Variants in RNF157 observed in about 807,000 individuals in gnomAD.
The protein encoded by RNF157 is ring finger protein 157, also known as E3 ubiquitin ligase RNF157.
Under a neutral mutation model 88.3 loss-of-function variants are expected in RNF157, and 55 were observed. The observed-to-expected ratio is 0.62, with a 90% CI of 0.50 to 0.78. The LOEUF (loss-of-function observed/expected upper bound fraction) is 0.78, where lower values mean the gene tolerates loss of function less well. Ranked by LOEUF, RNF157 falls within the 30% of genes least tolerant of loss-of-function variation. RNF157 has a pLI of 0.00. For synonymous variants in RNF157, 334 were observed against 341.2 expected, an observed-to-expected ratio of 0.98 and a Z score of 0.23; for missense variants, 788 against 860.8, an observed-to-expected ratio of 0.92 and a Z score of 1.06.
Position 76,157,979 on chromosome 17 carries a change from G to A in RNF157, c.1413+414C>T, listed in dbSNP as rs887081143. 6.6e-6 allele frequency among the ~76,000 whole-genome samples: 1 copy of A among 151,582 alleles called. No homozygotes were observed. The highest frequency in any genetic ancestry group is 2.4e-5 in the African/African-American group (1 of 41,152). Reference sequence around the variant, plus strand: ...ATAGCTAGCTCTACCACTTCCCTTGGTCTTGGCTCCTGGACCGCTTTTTAA... The same window carrying A: ...ATAGCTAGCTCTACCACTTCCCTTGATCTTGGCTCCTGGACCGCTTTTTAA... On this transcript the variant is annotated intron_variant, in intron 13 of 18. Coordinates refer to ENST00000269391, the MANE Select transcript of RNF157 (RefSeq NM_052916.3). The surrounding 1 kb of genome is among the most constrained non-coding windows in gnomAD (Gnocchi z 5.6).
intron 1 of RNF157, chr17:76,226,336 G>A (rs1012064769): frequency 1.2e-6 from 2 of 1,601,430 alleles, no homozygotes; most frequent in Admixed American, 3.3e-5. Flanking sequence ...GCAAGAAGGT[G>A]AAGGGGGCAA....
At chr17:76,178,191 C>T (rs993286002) in intron 2 of RNF157, among the ~76,000 whole-genome samples, 12 of 152,226 alleles carry the variant, frequency 7.9e-5, no homozygotes, top group East Asian at 1.9e-4. Context: ...AGCTGTGGCC[C>T]GTCGGGGAGC....
At chr17:76,226,654 G>T (rs1475726659) in intron 1 of RNF157, 14 of 1,612,454 alleles carry the variant, frequency 8.7e-6, no homozygotes, top group East Asian at 2.2e-5. Flanking sequence ...TAGCCTTGTC[G>T]CTGGAGAACC....
chr17:76,230,935 CT>C (rs149390437), intron 1 of RNF157, among the ~76,000 whole-genome samples: 57,945 of 132,356 alleles, frequency 0.44, 11,449 homozygotes, highest in African/African-American at 0.49. Flanking sequence ...AAGATTTAAT[CT>C]TTTTTTTTTT....
chr17:76,226,525 G>C, intron 1 of RNF157: 1 of 1,613,264 alleles, frequency 6.2e-7, no homozygotes, highest in South Asian at 1.1e-5. Flanking sequence ...CACCAAAGTC[G>C]AACTCCTTCA....
intron 2 of RNF157, among the ~76,000 whole-genome samples, chr17:76,207,673 G>T (rs1170009845): frequency 6.6e-6 from 1 of 152,124 alleles, no homozygotes; most frequent in Non-Finnish European, 1.5e-5. Context: ...GGCTTTAAAA[G>T]GTTGTTCTCT....
chr17:76,153,910 G>C, intron 17 of RNF157: 1 of 200,056 alleles, frequency 5.0e-6, no homozygotes, highest in Non-Finnish European at 1.0e-5. Context: ...AATGGCTACT[G>C]CTATTCAACA....
At chr17:76,190,831 C>A (rs1173140651) in intron 2 of RNF157, among the ~76,000 whole-genome samples, 1 of 151,680 alleles carries the variant, frequency 6.6e-6, no homozygotes, top group African/African-American at 2.4e-5. Flanking sequence ...TGGCACGAAC[C>A]CGGGAGGCGG....
intron 2 of RNF157, among the ~76,000 whole-genome samples, chr17:76,185,471 C>CTCTCTTTTTT (rs1214764584): frequency 6.9e-5 from 10 of 144,366 alleles, no homozygotes; most frequent in Admixed American, 2.0e-4. Context: ...GAGATTAGTC[C>CTCTCTTTTTT]TTTCTTTTTT....
chr17:76,145,207 AG>A lies in RNF157; in HGVS notation c.*27del, dbSNP rs1250566540. 1 of 1,433,932 alleles carries A rather than the reference AG, an allele frequency of 7.0e-7. No homozygotes were observed. Among genetic ancestry groups the A allele is most frequent in the South Asian group, 1.2e-5 (1 of 85,276 alleles). 88.8% of individuals were successfully genotyped at this position (1,433,932 alleles called of 1,614,324 possible). On this transcript the variant is annotated 3_prime_UTR_variant, in exon 19 of 19. Coordinates refer to ENST00000269391, the MANE Select transcript of RNF157 (RefSeq NM_052916.3). ...GAGGATGGATGGAATGCAGGGCAGG[AG>A]GGGAGCCCAAGTGCAGAGGCTGGGG...
intron 14 of RNF157, 63 bp from the exon 15 acceptor site, chr17:76,155,797 G>A: frequency 7.4e-7 from 1 of 1,359,328 alleles, no homozygotes; most frequent in Non-Finnish European, 9.9e-7. Flanking sequence ...CAAGCTTTCT[G>A]GGGAGCAGAG....
intron 5 of RNF157, 151 bp from the exon 6 acceptor site, chr17:76,166,678 C>A: frequency 1.5e-6 from 1 of 671,932 alleles, no homozygotes; most frequent in South Asian, 1.9e-5. Context: ...AGTTTGTTAA[C>A]TGAGGGCCAT....
At chr17:76,167,219 A>G in intron 4 of RNF157, 93 bp from the exon 5 acceptor site, 1 of 908,162 alleles carries the variant, frequency 1.1e-6, no homozygotes, top group Non-Finnish European at 1.8e-6. Flanking sequence ...TCAATTATCA[A>G]CAGGGTCTAG....
At chr17:76,219,446 T>C (rs534152026) in intron 1 of RNF157, among the ~76,000 whole-genome samples, 2 of 152,034 alleles carry the variant, frequency 1.3e-5, no homozygotes, top group South Asian at 2.1e-4. Flanking sequence ...GCTATGAAGA[T>C]ATATACATAT....
chr17:76,148,444 T>G (rs939872870), intron 18 of RNF157, among the ~76,000 whole-genome samples: 5 of 151,882 alleles, frequency 3.3e-5, no homozygotes, highest in Non-Finnish European at 7.4e-5. Flanking sequence ...TTTTTTTGTA[T>G]TTTTGGTAGA....
rs778913227 is a variant in RNF157, at chr17:76,203,769, C to CTTT, written c.207+8592_207+8594dup. Among the ~76,000 whole-genome samples the CTTT allele has an allele frequency of 3.9e-4, 41 of 104,870 alleles. 1 individual carries two copies. The highest frequency in any genetic ancestry group is 1.1e-3 in the African/African-American group (31 of 28,422). The allele number at this position is 104,870 out of a possible 152,430, so 68.8% of individuals were successfully genotyped here. Reference sequence around the variant, plus strand: ...GCCTGGCCTGTAAAAAGTTTTGTTGCTTTTTTTTTTTTTTTTGGGACGGAG... The same window carrying CTTT: ...GCCTGGCCTGTAAAAAGTTTTGTTGCTTTTTTTTTTTTTTTTTTTGGGACGGAG... On this transcript the variant is annotated intron_variant, in intron 2 of 18. Transcript: ENST00000269391.
intron 18 of RNF157, 99 bp from the exon 19 acceptor site, chr17:76,145,452 G>A (rs1598378111): frequency 1.2e-6 from 1 of 800,852 alleles, no homozygotes; most frequent in East Asian, 2.5e-5. Flanking sequence ...GGAAGGAGCA[G>A]GATGCGTGTC....
chr17:76,142,729 C>T lies in RNF157; in HGVS notation c.*2506G>A, dbSNP rs1458779696. On this transcript the variant is annotated 3_prime_UTR_variant, in exon 19 of 19. Transcript: ENST00000269391. ...GCAGGACCCTAACTCCCAGGCCAGC[C>T]GGCTTAGAGTGTGGTGGTCTGTGCC... The T allele has an allele frequency of 6.6e-6, 1 of 152,312 alleles. No individual in the cohort carries two copies. Among genetic ancestry groups the T allele is most frequent in the Non-Finnish European group, 1.5e-5 (1 of 68,108 alleles). 9.4% of individuals were successfully genotyped at this position (152,312 alleles called of 1,614,324 possible).
At chr17:76,236,744 TA>T (rs910174740) in intron 1 of RNF157, among the ~76,000 whole-genome samples, 6 of 151,390 alleles carry the variant, frequency 4.0e-5, no homozygotes, top group African/African-American at 1.5e-4. Context: ...GGAGACTATG[TA>T]AAAAAAAAGA....
Sources: allele counts gnomAD v4.1 joint callset (sites outside exome capture counted in the v4.1 genomes callset), GRCh38; gene constraint gnomAD v4.1.1; non-coding constraint Gnocchi (gnomAD v3.1); transcripts MANE v1.5; gene names NCBI Gene and HGNC (gene_info 2026-07-23, HGNC 2026-07-21).